Variants in CDC25B observed in about 807,000 individuals in gnomAD.
The protein encoded by CDC25B is cell division cycle 25B, also known as M-phase inducer phosphatase 2.
CDC25B carries 33 observed loss-of-function variants against 69.8 expected under a neutral mutation model. The observed-to-expected ratio is 0.47, with a 90% confidence interval of 0.36 to 0.63. The LOEUF (loss-of-function observed/expected upper bound fraction) is 0.63. Ranked by LOEUF, CDC25B falls within the 30% of genes least tolerant of loss-of-function variation. The pLI is 0.00. For missense variants in CDC25B, 727 were observed against 809.1 expected (o/e 0.90, Z 1.23); for synonymous variants, 341 against 314.6 (o/e 1.08, Z -0.89).
At chr20:3,795,180 T>G (rs927826451), upstream of CDC25B, among the ~76,000 whole-genome samples, 1 of 151,926 alleles carries the variant, frequency 6.6e-6, no homozygotes, top group Non-Finnish European at 1.5e-5. Flanking sequence ...GCCAATATGG[T>G]GAAACCCCCG....
rs1261216350 is a variant in CDC25B at position 3,801,782 on chromosome 20, T to C, written c.901T>C (p.Leu301=). 1.2e-6 allele frequency: 2 copies of C among 1,606,344 alleles called. No individual in the cohort carries two copies. Among genetic ancestry groups the C allele is most frequent in the Admixed American group, 1.7e-5 (1 of 57,968 alleles). ...CATTAGTGCCCCACTGGTCAAGACC[T>C]TGGAAAAGGAAGAGGAAAAGGTGGG... ...SLISAPLVKT[L]EKEEEKDLVM... The change falls in exon 9 of 16, where the codon TTG becomes CTG. Residue 301 remains leucine, a synonymous_variant. Transcript: ENST00000245960.
Position 3,796,741 on chromosome 20 carries a change from C to T in CDC25B, c.200+10C>T, listed in dbSNP as rs992834749. 3 of 1,558,468 alleles carry T rather than the reference C, an allele frequency of 1.9e-6. No homozygotes were observed. The highest frequency in any genetic ancestry group is 1.4e-5 in the African/African-American group (1 of 72,142). ...TCGCCGGGCTCGGCAGGTAGGACAC[C>T]CCAAGGAGGCTGCATATGGGGGTGA... On this transcript the variant is annotated intron_variant, in intron 1 of 15. Transcript: ENST00000245960.
chr20:3,804,415 T>C (rs1359454345), intron 14 of CDC25B, among the ~76,000 whole-genome samples, 154 bp from the exon 15 acceptor site: 1 of 152,038 alleles, frequency 6.6e-6, no homozygotes, highest in East Asian at 1.9e-4. Context: ...GTAGCCAGAG[T>C]GACCTAAAAG....
At position 3,805,359 on chromosome 20, in the gene CDC25B, A is replaced by C. The variant is rs2089442150; in HGVS notation, c.*398A>C. The C allele has an allele frequency of 1.1e-5, 3 of 261,202 alleles. No homozygotes were observed. Among genetic ancestry groups the C allele is most frequent in the South Asian group, 7.5e-5 (1 of 13,250 alleles). The allele number at this position is 261,202 out of a possible 1,614,324, so 16.2% of individuals were successfully genotyped here. ...GTCCCTGAGGATGGGTCAGAGCTAA[A>C]CTCCTTCCTGGCCTGAGAGTCAGCT... On this transcript the variant is annotated 3_prime_UTR_variant, in exon 16 of 16. Transcript: ENST00000245960.
rs373171092 is a variant in CDC25B at position 3,801,383 on chromosome 20, T to G, written c.835T>G (p.Leu279Val). ...DGFVDILESD[L>V]KDDDAVPPGM... ...ATTTGTGGACATCCTAGAGAGTGAC[T>G]TAAAGGTAAACAGCCTTGTCCCACC... The change falls in exon 8 of 16, where the codon TTA (leucine) becomes GTA (valine). Residue 279 changes from leucine to valine, a missense_variant. Physicochemically the swap from Leu to Val is conservative, Grantham distance 32. Around this residue, in one of 2 missense-constraint regions of CDC25B, gnomAD observed 359 missense variants for 463.4 expected, o/e 0.77. Transcript: ENST00000245960. 7.5e-6 allele frequency: 12 copies of G among 1,610,688 alleles called. No individual in the cohort carries two copies. Among genetic ancestry groups the G allele is most frequent in the Non-Finnish European group, 1.0e-5 (12 of 1,178,212 alleles).
At chr20:3,804,292 T>C (rs915513304) in intron 14 of CDC25B, among the ~76,000 whole-genome samples, 3 of 152,248 alleles carry the variant, frequency 2.0e-5, no homozygotes, top group African/African-American at 7.2e-5. Flanking sequence ...CTGCTTCTCC[T>C]TTCCTGGTCC....
chr20:3,797,068 A>T lies in CDC25B; in HGVS notation c.200+337A>T, dbSNP rs11569980. On this transcript the variant is annotated intron_variant, in intron 1 of 15. Coordinates refer to ENST00000245960, the MANE Select transcript of CDC25B (RefSeq NM_021873.4). ...GCCACCATTTTGCCCCAGGATGGGA[A>T]TCTCAAGCCTGGAGAGGGAACTTAA... Among the ~76,000 whole-genome samples, 1,324 of 152,276 alleles carry T rather than the reference A, an allele frequency of 8.7e-3. 23 individuals carry two copies. Among genetic ancestry groups the T allele is most frequent in the African/African-American group, 0.03 (1,233 of 41,560 alleles).
At position 3,800,971 on chromosome 20, in the gene CDC25B, G is replaced by T; in HGVS notation, c.583G>T (p.Asp195Tyr). The change falls in exon 7 of 16, where the codon GAT (aspartate) becomes TAT (tyrosine). Residue 195 changes from aspartate (D) to tyrosine (Y), a missense_variant and splice_region_variant. Asp to Tyr is a radical substitution (Grantham distance 160). Around this residue, in one of 2 missense-constraint regions of CDC25B, gnomAD observed 368 missense variants for 345.6 expected, o/e 1.06. Transcript: ENST00000245960. ...ASSSGEDKEN[D>Y]GFVFKMPWKP... ...CCCTCCTCTCCCATCTTGGCTGCAG[G>T]ATGGATTTGTCTTCAAGATGCCATG... 6.2e-7 allele frequency: 1 copy of T among 1,614,010 alleles called. No individual in the cohort carries two copies. Among genetic ancestry groups the T allele is most frequent in the Non-Finnish European group, 8.5e-7 (1 of 1,179,900 alleles).
rs769072014 is a variant in CDC25B, at chr20:3,796,556, G to C, written c.25G>C (p.Ala9Pro). 13 of 1,478,580 alleles carry C rather than the reference G, an allele frequency of 8.8e-6. No individual in the cohort carries two copies. Among genetic ancestry groups the C allele is most frequent in the African/African-American group, 1.5e-5 (1 of 67,774 alleles). 91.6% of individuals were successfully genotyped at this position (1,478,580 alleles called of 1,614,324 possible). A position where few individuals can be genotyped will look rare whatever the true frequency, so the allele number is the denominator to read the frequency against. ...GATGGAGGTGCCCCAGCCGGAGCCC[G>C]CGCCAGGCTCGGCTCTCAGTCCAGC... Reference protein sequence around the residue: MEVPQPEPAPGSALSPAGV... With the variant: MEVPQPEPPPGSALSPAGV... Residue 9 changes from alanine to proline, a missense_variant, in exon 1 of 16, where the codon GCG (alanine) becomes CCG (proline). Around this residue, in one of 2 missense-constraint regions of CDC25B, gnomAD observed 368 missense variants for 345.6 expected, o/e 1.06. Coordinates refer to ENST00000245960, the MANE Select transcript of CDC25B (RefSeq NM_021873.4).
upstream of CDC25B, chr20:3,795,959 TC>T: frequency 1.0e-6 from 1 of 987,514 alleles, no homozygotes; most frequent in Non-Finnish European, 1.2e-6. Flanking sequence ...TTGGAGCCTC[TC>T]CCCATCCCTA....
chr20:3,796,685 G>T lies in CDC25B; in HGVS notation c.154G>T (p.Val52Phe). 6.5e-7 allele frequency: 1 copy of T among 1,534,830 alleles called. No individual in the cohort carries two copies. Reference sequence around the variant, plus strand: ...GGTGCGGGCGGCCGCTTCCTCGCCGGTCACCACCCTCACCCAGACCATGCA... The same window carrying T: ...GGTGCGGGCGGCCGCTTCCTCGCCGTTCACCACCCTCACCCAGACCATGCA... ...SPVRAAASSPVTTLTQTMHDL... is the reference protein window; with the variant it reads ...SPVRAAASSPFTTLTQTMHDL... The change falls in exon 1 of 16, where the codon GTC becomes TTC. Residue 52 changes from valine to phenylalanine, a missense_variant. Val to Phe is a conservative substitution (Grantham distance 50, BLOSUM62 -1). Around this residue, in one of 2 missense-constraint regions of CDC25B, gnomAD observed 368 missense variants for 345.6 expected, o/e 1.06. Coordinates refer to ENST00000245960, the MANE Select transcript of CDC25B (RefSeq NM_021873.4).
exon 1 of CDC25B, chr20:3,787,030 GTTTT>G (rs747272595): frequency 1.8e-5 from 8 of 452,828 alleles, no homozygotes; most frequent in Middle Eastern, 4.1e-4. Context: ...GTTTTTGTTT[GTTTT>G]TTTTTTTTTT....
In CDC25B at chr20:3,801,941, C is replaced by T. The variant is rs1322621683; in HGVS notation, c.939C>T (p.Ser313=). The change falls in exon 10 of 16, where the codon AGC becomes AGT. Residue 313 remains serine, a synonymous_variant. Coordinates refer to ENST00000245960, the MANE Select transcript of CDC25B (RefSeq NM_021873.4). ...CCTGCCAGGACCTCGTCATGTACAG[C>T]AAGTGCCAGCGGCTCTTCCGCTCTC... ...KEEEKDLVMY[S]KCQRLFRSPS... The T allele has an allele frequency of 4.3e-6, 7 of 1,612,098 alleles. No homozygotes were observed. The highest frequency in any genetic ancestry group is 5.9e-6 in the Non-Finnish European group (7 of 1,178,980).
rs758797782 is a variant in CDC25B, at chr20:3,804,926, C to G, written c.1708C>G (p.Arg570Gly). 1.9e-6 allele frequency: 3 copies of G among 1,613,518 alleles called. No homozygotes were observed. The highest frequency in any genetic ancestry group is 1.7e-5 in the Admixed American group (1 of 60,000). ...TCGCAGCTGGGCTGGGGAGCGGAGC[C>G]GGCGGGAGCTCTGTAGCCGGCTGCA... Reference protein sequence around the residue: ...KTRSWAGERSRRELCSRLQDQ With the variant: ...KTRSWAGERSGRELCSRLQDQ Residue 570 changes from arginine to glycine, a missense_variant, in exon 16 of 16, where the codon CGG becomes GGG. Around this residue, in one of 2 missense-constraint regions of CDC25B, gnomAD observed 359 missense variants for 463.4 expected, o/e 0.77. Transcript: ENST00000245960.
chr20:3,795,352 C>A (rs1320542461), upstream of CDC25B, among the ~76,000 whole-genome samples: 1 of 95,692 alleles, frequency 1.0e-5, no homozygotes, highest in Non-Finnish European at 2.1e-5. Flanking sequence ...GAGGGAGACT[C>A]CATCCCAAAA....
chr20:3,797,298 G>C (rs976432708), intron 1 of CDC25B, among the ~76,000 whole-genome samples: 2 of 152,192 alleles, frequency 1.3e-5, no homozygotes, highest in African/African-American at 4.8e-5. Context: ...GACAGTTTAG[G>C]GGAAGGCTCT....
chr20:3,789,041 C>T (rs1441717242), intron 1 of CDC25B, among the ~76,000 whole-genome samples: 2 of 152,192 alleles, frequency 1.3e-5, no homozygotes, highest in African/African-American at 4.8e-5. Context: ...TAGCAGTGCA[C>T]GGGGCCCATT....
chr20:3,803,099 C>T lies in CDC25B; in HGVS notation c.1258-9C>T. 6.2e-7 allele frequency: 1 copy of T among 1,612,362 alleles called. No homozygotes were observed. Among genetic ancestry groups the T allele is most frequent in the Non-Finnish European group, 8.5e-7 (1 of 1,178,444 alleles). On this transcript the variant is annotated splice_polypyrimidine_tract_variant and intron_variant, in intron 12 of 15. Transcript: ENST00000245960. The surrounding 1 kb of genome is among the most constrained non-coding windows in gnomAD (Gnocchi z 4.9). ...ACCTGCCGGAACCAACCCCCATGAC[C>T]TCCTACAGATGGTGGCCCTATTGAC...
upstream of CDC25B, among the ~76,000 whole-genome samples, chr20:3,793,394 T>A: frequency 6.6e-6 from 1 of 151,834 alleles, no homozygotes; most frequent in East Asian, 1.9e-4. Context: ...GAGGCAGAGG[T>A]TGCAGTGAGC....
Sources: gnomAD v4.1 joint callset for allele counts (sites outside exome capture counted in the v4.1 genomes callset) on GRCh38, gnomAD v4.1.1 for gene constraint, gnomAD v4.1.1 regional missense constraint, Gnocchi (gnomAD v3.1) non-coding constraint, MANE v1.5 for transcripts, NCBI Gene and HGNC (gene_info 2026-07-23, HGNC 2026-07-21) for gene names.